OAT: variants seen among roughly 807,000 people sequenced by gnomAD.
OAT encodes the protein ornithine aminotransferase, mitochondrial.
Under a neutral mutation model 48.4 loss-of-function variants are expected in OAT, and 35 were observed. The ratio of observed to expected loss-of-function variants is 0.72; its 90% confidence interval spans 0.55 to 0.96. The LOEUF is 0.96. Among genes scored for constraint, OAT ranks in the 40% least tolerant of loss-of-function variants. The probability of loss-of-function intolerance (pLI) is 0.00; values close to 1 mark genes in which losing one functional copy is unlikely to be tolerated. For missense variants in OAT, 438 were observed against 537.9 expected, an observed-to-expected ratio of 0.81 and a Z score of 1.84; for synonymous variants, 182 against 198.4, an observed-to-expected ratio of 0.92 and a Z score of 0.70.
At chr10:124,411,236 G>T (rs12269719) in intron 2 of OAT, among the ~76,000 whole-genome samples, 5 of 151,466 alleles carry the variant, frequency 3.3e-5, no homozygotes, top group African/African-American at 9.7e-5. Context: ...TGCAGGCGGC[G>T]GGGGGAGAAG....
chr10:124,407,558 C>T (rs1264033690), intron 4 of OAT: 1 of 493,032 alleles, frequency 2.0e-6, no homozygotes, highest in Non-Finnish European at 2.6e-6. Context: ...CAATCTGTCC[C>T]CTCAAATACC....
At chr10:124,405,342 G>A in intron 5 of OAT, 94 bp downstream of exon 5, 1 of 1,561,560 alleles carries the variant, frequency 6.4e-7, no homozygotes, top group Non-Finnish European at 8.8e-7. Flanking sequence ...AGATAAATTT[G>A]CATTACTGTC....
chr10:124,406,074 T>C, intron 4 of OAT: 1 of 1,028,964 alleles, frequency 9.7e-7, no homozygotes, highest in Admixed American at 5.0e-5. Flanking sequence ...GTTTCCATTT[T>C]ACCTTCCTTG....
rs529297345 is a variant in OAT, at chr10:124,401,020, T to C, written c.1015-36A>G. The C allele has an allele frequency of 4.5e-6, 7 of 1,553,540 alleles. No individual in the cohort carries two copies. In the South Asian group the frequency reaches 5.7e-5, roughly 13 times the overall value. On this transcript the variant is annotated intron_variant, in intron 8 of 9. Coordinates refer to ENST00000368845, the MANE Select transcript of OAT (RefSeq NM_000274.4). ...AGAAAAATTATACAAATATTAAGAC[T>C]GTCCTTTTTTTGTTTTTTGGAGGAC...
chr10:124,401,035 T>C (rs1202697250), intron 8 of OAT, 51 bp from the exon 9 acceptor site: 1 of 1,429,058 alleles, frequency 7.0e-7, no homozygotes, highest in South Asian at 1.2e-5. Flanking sequence ...TTTTTTTGTT[T>C]TTTGGAGGAC....
chr10:124,415,266 A>T (rs1951885840), intron 1 of OAT, among the ~76,000 whole-genome samples: 1 of 152,102 alleles, frequency 6.6e-6, no homozygotes, highest in African/African-American at 2.4e-5. Flanking sequence ...AATATCATTC[A>T]AAACATTACT....
In OAT at chr10:124,408,337, ATATATATTTTTT is replaced by A. The variant is rs1219675314; in HGVS notation, c.520+193_520+204del. Among the ~76,000 whole-genome samples, 279 of 103,482 alleles carry A rather than the reference ATATATATTTTTT, an allele frequency of 2.7e-3. 1 individual carries two copies. Among genetic ancestry groups the A allele is most frequent in the Non-Finnish European group, 4.4e-3 (226 of 51,102 alleles). The allele number at this position is 103,482 out of a possible 152,430, so 67.9% of individuals were successfully genotyped here. A position where few individuals can be genotyped will look rare whatever the true frequency, so the allele number is the denominator to read the frequency against. On this transcript the variant is annotated intron_variant, in intron 4 of 9. Transcript: ENST00000368845. ...TGTGTGTATATATATATATATATAT[ATATATATTTTTT>A]TTTTTTTTTTTTAAATAGAGACAGG... is the stretch of plus-strand genomic sequence containing the variant.
At chr10:124,404,738 C>T (rs1400805022) in intron 5 of OAT, among the ~76,000 whole-genome samples, 2 of 152,122 alleles carry the variant, frequency 1.3e-5, no homozygotes, top group Non-Finnish European at 2.9e-5. Context: ...TTTTCTAATA[C>T]ACAAATGTAC....
chr10:124,411,852 C>A (rs1256761991), intron 2 of OAT, 121 bp downstream of exon 2: 1 of 812,450 alleles, frequency 1.2e-6, no homozygotes, highest in Non-Finnish European at 2.0e-6. Context: ...AAGAATTAAC[C>A]ATGTCTGCAA....
intron 6 of OAT, 54 bp downstream of exon 6, chr10:124,403,744 T>A: frequency 6.2e-7 from 1 of 1,612,818 alleles, no homozygotes. Flanking sequence ...TTCAGCCTCA[T>A]CACAAACAGC....
chr10:124,401,245 T>G (rs1478155880), intron 8 of OAT, among the ~76,000 whole-genome samples: 1 of 152,232 alleles, frequency 6.6e-6, no homozygotes, highest in African/African-American at 2.4e-5. Flanking sequence ...TCACATACTG[T>G]CATTAATTGA....
chr10:124,407,295 G>T (rs749009114), intron 4 of OAT: 10 of 985,296 alleles, frequency 1.0e-5, no homozygotes, highest in Non-Finnish European at 1.1e-5. Context: ...CAGGTATAAG[G>T]GACTTACAGT....
chr10:124,400,227 A>C (rs570553147), intron 9 of OAT, among the ~76,000 whole-genome samples: 1 of 152,062 alleles, frequency 6.6e-6, no homozygotes, highest in African/African-American at 2.4e-5. Context: ...AGGCAGGCGG[A>C]TCACGAGGTC....
intron 9 of OAT, 86 bp from the exon 10 acceptor site, chr10:124,398,188 A>G: frequency 6.9e-7 from 1 of 1,456,184 alleles, no homozygotes; most frequent in Non-Finnish European, 9.5e-7. Context: ...GCAGCCTGGC[A>G]AAACAAAATT....
chr10:124,407,188 C>G, intron 4 of OAT: 1 of 985,412 alleles, frequency 1.0e-6, no homozygotes. Flanking sequence ...TTGATTTTGA[C>G]TAGGTTTGTT....
In OAT at chr10:124,405,513, G is replaced by A. The variant is rs1951549820; in HGVS notation, c.571C>T (p.Pro191Ser). 1 of 1,614,076 alleles carries A rather than the reference G, an allele frequency of 6.2e-7. No homozygotes were observed. The highest frequency in any genetic ancestry group is 8.5e-7 in the Non-Finnish European group (1 of 1,180,010). Residue 191 changes from proline to serine, a missense_variant, in exon 5 of 10, where the codon CCA becomes TCA. Coordinates refer to ENST00000368845, the MANE Select transcript of OAT (RefSeq NM_000274.4). ...GGTCCAAAACCATCGTAACTGGTTG[G>A]GTCTGTGGAACTGGAGATAGCAGAC... is the stretch of plus-strand genomic sequence containing the variant. Reference protein sequence around the residue: ...TLSAISSSTDPTSYDGFGPFM... With the variant: ...TLSAISSSTDSTSYDGFGPFM...
intron 1 of OAT, among the ~76,000 whole-genome samples, chr10:124,416,420 A>G (rs1380899900): frequency 6.6e-6 from 1 of 152,096 alleles, no homozygotes; most frequent in East Asian, 1.9e-4. Context: ...ATCTAGAATA[A>G]CTCATCTCTT....
chr10:124,399,941 C>T (rs945825928), intron 9 of OAT, among the ~76,000 whole-genome samples: 1 of 152,168 alleles, frequency 6.6e-6, no homozygotes, highest in African/African-American at 2.4e-5. Flanking sequence ...AACAAAAAAA[C>T]TTGAACTCTC....
At position 124,402,946 on chromosome 10, in the gene OAT, A is replaced by T. The variant is rs752974288; in HGVS notation, c.881T>A (p.Leu294His). ...RPDIVLLGKALSGGLYPVSAV... is the reference protein window; with the variant it reads ...RPDIVLLGKAHSGGLYPVSAV... ...ACTTACAGGGTATAAGCCCCCAGAA[A>T]GGGCCTTTCCAAGGAGGACTATATC... The change falls in exon 7 of 10, where the codon CTT becomes CAT. Residue 294 changes from leucine to histidine, a missense_variant. Physicochemically the swap from Leu to His is moderately conservative, Grantham distance 99 (BLOSUM62 -3). Coordinates refer to ENST00000368845, the MANE Select transcript of OAT (RefSeq NM_000274.4). 4 of 1,614,094 alleles carry T rather than the reference A, an allele frequency of 2.5e-6. No individual in the cohort carries two copies. In the Admixed American group the frequency reaches 5.0e-5, roughly 20 times the overall value.
Sources: allele counts gnomAD v4.1 joint callset (sites outside exome capture counted in the v4.1 genomes callset), GRCh38; gene constraint gnomAD v4.1.1; transcripts MANE v1.5; gene names NCBI Gene and HGNC (gene_info 2026-07-23, HGNC 2026-07-21).